The following CFAP44 variants were observed in gnomAD, a reference collection of about 807,000 sequenced individuals.
The protein encoded by CFAP44 is cilia and flagella associated protein 44, also known as cilia- and flagella-associated protein 44.
In CFAP44, 134 loss-of-function variants were observed where a neutral mutation model predicts 216.2. That is an observed-to-expected ratio of 0.62 (90% CI 0.54 to 0.72). CFAP44 has a LOEUF of 0.72. Among genes scored for constraint, CFAP44 ranks in the 30% least tolerant of loss-of-function variants. CFAP44 has a pLI of 0.00. For missense variants in CFAP44, 2,035 were observed against 2,182.1 expected (o/e 0.93, Z 1.34); for synonymous variants, 700 against 727.6 (o/e 0.96, Z 0.61).
chr3:113,373,370 C>G (rs201160705), intron 18 of CFAP44, 41 bp downstream of exon 18: 3 of 1,449,620 alleles, frequency 2.1e-6, no homozygotes, highest in Middle Eastern at 1.8e-4. Flanking sequence ...TAGACACTAA[C>G]AGGATATGGT....
chr3:113,433,478 C>G, intron 2 of CFAP44, 87 bp downstream of exon 2: 2 of 362,858 alleles, frequency 5.5e-6, no homozygotes, highest in East Asian at 8.6e-5. Flanking sequence ...TAACATCCTG[C>G]TCTTTCCATT....
chr3:113,421,915 A>C (rs900240991), intron 4 of CFAP44, among the ~76,000 whole-genome samples: 2 of 152,184 alleles, frequency 1.3e-5, no homozygotes, highest in Non-Finnish European at 2.9e-5. Context: ...TGAGATCAAC[A>C]GAAGCCCTAA....
intron 4 of CFAP44, among the ~76,000 whole-genome samples, chr3:113,425,349 T>C (rs1934931826): frequency 6.6e-6 from 1 of 152,234 alleles, no homozygotes; most frequent in Admixed American, 6.5e-5. Context: ...CACAGTACAT[T>C]GCCAGCTAAG....
intron 33 of CFAP44, among the ~76,000 whole-genome samples, chr3:113,295,903 T>C (rs1166903583): frequency 2.0e-5 from 3 of 152,236 alleles, no homozygotes; most frequent in Non-Finnish European, 4.4e-5. Context: ...AGAGCATTTA[T>C]ACTTTTTAAA....
chr3:113,369,154 C>T (rs1388701494), intron 18 of CFAP44, among the ~76,000 whole-genome samples: 1 of 152,080 alleles, frequency 6.6e-6, no homozygotes, highest in Non-Finnish European at 1.5e-5. Flanking sequence ...TTTAATACCC[C>T]ACTGTCATTA....
Position 113,369,927 on chromosome 3 carries a change from T to C in CFAP44, c.2444+3484A>G, listed in dbSNP as rs149929891. 4.2e-3 allele frequency among the ~76,000 whole-genome samples: 646 copies of C among 152,224 alleles called. 1 individual carries two copies. Among genetic ancestry groups the C allele is most frequent in the Non-Finnish European group, 7.0e-3 (475 of 68,010 alleles). On this transcript the variant is annotated intron_variant, in intron 18 of 34. Transcript: ENST00000393845. ...CCACTGATCCCACAGAAATACAAAC[T>C]ACCATCAGAGAATACTATAAACACC...
chr3:113,286,988 T>TACAA lies in CFAP44; in HGVS notation c.*4568_*4569insTTGT. On this transcript the variant is annotated 3_prime_UTR_variant, in exon 35 of 35. Transcript: ENST00000393845. The stretch of plus-strand genomic sequence containing the variant: ...AGCCATATTTATATATTTATGCACT[T>TACAA]GTAAATAAATGTATATGTTTTATAA... 1.0e-6 allele frequency: 1 copy of TACAA among 954,772 alleles called. No individual in the cohort carries two copies. The highest frequency in any genetic ancestry group is 1.6e-6 in the Non-Finnish European group (1 of 628,494). 59.1% of individuals were successfully genotyped at this position (954,772 alleles called of 1,614,324 possible). A position where few individuals can be genotyped will look rare whatever the true frequency, so the allele number is the denominator to read the frequency against.
chr3:113,333,726 C>G (rs1950259242), intron 24 of CFAP44, 143 bp from the exon 25 acceptor site: 1 of 967,226 alleles, frequency 1.0e-6, no homozygotes, highest in African/African-American at 1.7e-5. Flanking sequence ...TGTCACAGAG[C>G]CCAAGCATTT....
chr3:113,421,996 T>A (rs1022943414), intron 4 of CFAP44, among the ~76,000 whole-genome samples: 4 of 152,056 alleles, frequency 2.6e-5, no homozygotes, highest in South Asian at 2.1e-4. Flanking sequence ...ATAAATATAT[T>A]TTTTTAAAAA....
chr3:113,306,136 C>A (rs1182497958), intron 30 of CFAP44, 65 bp downstream of exon 30: 1 of 1,475,712 alleles, frequency 6.8e-7, no homozygotes, highest in Non-Finnish European at 8.9e-7. Flanking sequence ...TATAAAAAGG[C>A]AATATTATAG....
intron 17 of CFAP44, 40 bp downstream of exon 17, chr3:113,379,266 G>T (rs1576580271): frequency 7.1e-7 from 1 of 1,402,414 alleles, no homozygotes; most frequent in Non-Finnish European, 9.6e-7. Context: ...AAACTATATT[G>T]AAATATGATT....
chr3:113,314,355 G>A (rs1270310290), intron 28 of CFAP44, among the ~76,000 whole-genome samples: 1 of 152,128 alleles, frequency 6.6e-6, no homozygotes, highest in African/African-American at 2.4e-5. Flanking sequence ...AACCATGGAA[G>A]CCGAAAGGAA....
chr3:113,384,286 CCT>C (rs1933591276), intron 15 of CFAP44, among the ~76,000 whole-genome samples: 2 of 152,172 alleles, frequency 1.3e-5, no homozygotes, highest in South Asian at 4.2e-4. Flanking sequence ...GTCTCGATCC[CCT>C]GACCTTGTGA....
At chr3:113,412,067 G>A (rs1934493632) in intron 6 of CFAP44, among the ~76,000 whole-genome samples, 2 of 152,120 alleles carry the variant, frequency 1.3e-5, no homozygotes, top group Non-Finnish European at 2.9e-5. Context: ...ATATTGAATG[G>A]GCAAAAACTG....
intron 29 of CFAP44, 147 bp from the exon 30 acceptor site, chr3:113,306,478 TC>T: frequency 1.1e-6 from 1 of 936,382 alleles, no homozygotes; most frequent in Non-Finnish European, 1.6e-6. Flanking sequence ...GCTTAATTGT[TC>T]CAGGTTGAAA....
intron 4 of CFAP44, among the ~76,000 whole-genome samples, chr3:113,425,732 G>GA (rs1357890002): frequency 2.0e-5 from 3 of 152,150 alleles, no homozygotes; most frequent in Non-Finnish European, 2.9e-5. Flanking sequence ...AGGACAGCCA[G>GA]AAAAAATATT....
chr3:113,395,582 G>A (rs982955420), intron 15 of CFAP44, among the ~76,000 whole-genome samples, 168 bp downstream of exon 15: 61 of 152,152 alleles, frequency 4.0e-4, no homozygotes, highest in African/African-American at 1.3e-3. Flanking sequence ...GATGCTCTAC[G>A]GGCCAACCCC....
intron 2 of CFAP44, among the ~76,000 whole-genome samples, chr3:113,431,114 C>T (rs75710134): frequency 6.6e-6 from 1 of 151,972 alleles, no homozygotes; most frequent in Non-Finnish European, 1.5e-5. Flanking sequence ...GATGTGCTAA[C>T]AAGCCTGAGA....
intron 16 of CFAP44, among the ~76,000 whole-genome samples, chr3:113,379,974 C>T (rs1204916127): frequency 1.3e-5 from 2 of 152,148 alleles, no homozygotes; most frequent in African/African-American, 4.8e-5. Flanking sequence ...TTCCGCCTCC[C>T]ATCTTTTACT....
Sources: gnomAD v4.1 joint callset for allele counts (sites outside exome capture counted in the v4.1 genomes callset) on GRCh38, gnomAD v4.1.1 for gene constraint, MANE v1.5 for transcripts, NCBI Gene and HGNC (gene_info 2026-07-23, HGNC 2026-07-21) for gene names.